MAPRE2: variants seen among roughly 807,000 people sequenced by gnomAD.
The protein encoded by MAPRE2 is microtubule-associated protein RP/EB family member 2.
In MAPRE2, 13 loss-of-function variants were observed where a neutral mutation model predicts 43.2. The observed-to-expected ratio is 0.30, with a 90% CI of 0.20 to 0.48. The LOEUF (loss-of-function observed/expected upper bound fraction) is 0.48. MAPRE2 is among the 20% of genes least tolerant of loss of function. The pLI is 0.99. For missense variants in MAPRE2, 161 were observed against 400.2 expected, an observed-to-expected ratio of 0.40 and a Z score of 5.10; for synonymous variants, 135 against 148.8, an observed-to-expected ratio of 0.91 and a Z score of 0.68.
At chr18:35,099,218 A>G (rs1006000228) in intron 3 of MAPRE2, among the ~76,000 whole-genome samples, 5 of 152,244 alleles carry the variant, frequency 3.3e-5, no homozygotes, top group Admixed American at 3.3e-4. Context: ...AAAGCTTTTT[A>G]TGCTCTAAAA....
chr18:35,133,333 G>C (rs376901265), intron 6 of MAPRE2, among the ~76,000 whole-genome samples: 1 of 151,850 alleles, frequency 6.6e-6, no homozygotes. Context: ...TTGAAGCCCT[G>C]ATAATCCACC....
intron 2 of MAPRE2, among the ~76,000 whole-genome samples, chr18:35,013,221 C>T (rs1292284518): frequency 6.6e-6 from 1 of 151,968 alleles, no homozygotes; most frequent in Non-Finnish European, 1.5e-5. Flanking sequence ...GTTTAGATAA[C>T]CCTTAAGATA....
intron 5 of MAPRE2, 30 bp from the exon 6 acceptor site, chr18:35,132,002 T>G (rs781130018): frequency 1.3e-6 from 2 of 1,559,456 alleles, no homozygotes; most frequent in Non-Finnish European, 1.7e-6. Context: ...TTTTGGGTGG[T>G]TTTTTTTCTT....
At chr18:34,981,641 G>A (rs909511746) in intron 1 of MAPRE2, among the ~76,000 whole-genome samples, 3 of 151,982 alleles carry the variant, frequency 2.0e-5, no homozygotes, top group Non-Finnish European at 2.9e-5. Flanking sequence ...GTATTCCCAG[G>A]TGCCAAATTA....
intron 4 of MAPRE2, among the ~76,000 whole-genome samples, chr18:35,119,167 G>A (rs1432397197): frequency 6.6e-6 from 1 of 152,120 alleles, no homozygotes; most frequent in Non-Finnish European, 1.5e-5. Context: ...GGCACCTGGC[G>A]CTGCCCTGCT....
chr18:35,094,451 C>CA (rs1173648407), intron 2 of MAPRE2, among the ~76,000 whole-genome samples: 8 of 151,668 alleles, frequency 5.3e-5, no homozygotes, highest in Non-Finnish European at 2.9e-5. Context: ...GCCATGGAGA[C>CA]AAAAAAGGCA....
intron 4 of MAPRE2, among the ~76,000 whole-genome samples, chr18:35,104,041 G>A (rs1908793942): frequency 6.6e-6 from 1 of 152,034 alleles, no homozygotes; most frequent in Non-Finnish European, 1.5e-5. Flanking sequence ...AGGAAGAAGA[G>A]GAAGCTGCAA....
At chr18:35,007,876 C>G (rs572990517) in intron 2 of MAPRE2, among the ~76,000 whole-genome samples, 14 of 152,120 alleles carry the variant, frequency 9.2e-5, no homozygotes, top group South Asian at 2.1e-4. Flanking sequence ...ATTCCAGATC[C>G]GCAACCAAAA....
chr18:35,116,526 G>A (rs1013176940), intron 4 of MAPRE2, among the ~76,000 whole-genome samples: 3 of 152,152 alleles, frequency 2.0e-5, no homozygotes, highest in African/African-American at 7.2e-5. Context: ...GCTCAACTGG[G>A]GAAAGATTTG....
rs148077039 is a variant in MAPRE2, at chr18:35,107,709, A to G, written c.610+5550A>G. ...GTTGGTTGTATAGTGTTTTAGAAAT[A>G]TCAGTTAGATCAAGGTGTTTGATGG... is the stretch of plus-strand genomic sequence containing the variant. On this transcript the variant is annotated intron_variant, in intron 4 of 6. Transcript: ENST00000300249. 2.9e-3 allele frequency among the ~76,000 whole-genome samples: 437 copies of G among 152,254 alleles called. 1 individual carries two copies. Among genetic ancestry groups the G allele is most frequent in the Non-Finnish European group, 4.7e-3 (319 of 68,010 alleles).
intron 1 of MAPRE2, among the ~76,000 whole-genome samples, chr18:34,995,454 T>C (rs1034306832): frequency 6.6e-6 from 1 of 152,168 alleles, no homozygotes; most frequent in African/African-American, 2.4e-5. Context: ...GAGACAGCCA[T>C]TTGAGTCAGC....
In MAPRE2 at chr18:34,985,295, T is replaced by A. The variant is rs865809266; in HGVS notation, c.-70+8216T>A. On this transcript the variant is annotated intron_variant, in intron 1 of 7. Transcript: ENST00000413393. Reference sequence around the variant, plus strand: ...ATAATATAATATATTATATATTATATTATATATTGTATATATTATATTATA... The same window carrying A: ...ATAATATAATATATTATATATTATAATATATATTGTATATATTATATTATA... Among the ~76,000 whole-genome samples, 14 of 41,428 alleles carry A rather than the reference T, an allele frequency of 3.4e-4. 1 individual carries two copies. The highest frequency in any genetic ancestry group is 1.6e-3 in the East Asian group (1 of 640). 27.2% of individuals were successfully genotyped at this position (41,428 alleles called of 152,430 possible).
At chr18:35,017,937 T>C (rs2097039487) in intron 2 of MAPRE2, among the ~76,000 whole-genome samples, 1 of 151,976 alleles carries the variant, frequency 6.6e-6, no homozygotes, top group Admixed American at 6.6e-5. Context: ...TTTTGCCCAT[T>C]CAGTATGCTG....
intron 4 of MAPRE2, among the ~76,000 whole-genome samples, chr18:35,112,185 T>C (rs1279817218): frequency 3.7e-5 from 5 of 134,434 alleles, no homozygotes; most frequent in African/African-American, 1.2e-4. Context: ...CCTTCCTTCC[T>C]TTTTTTTTTT....
chr18:35,083,059 A>G (rs1261897043), intron 2 of MAPRE2, among the ~76,000 whole-genome samples: 1 of 152,180 alleles, frequency 6.6e-6, no homozygotes. Context: ...TCTCCATGCC[A>G]CCTACAGATG....
chr18:34,998,549 G>A (rs918960463), intron 1 of MAPRE2, among the ~76,000 whole-genome samples: 27 of 151,692 alleles, frequency 1.8e-4, no homozygotes, highest in Admixed American at 1.3e-3. Flanking sequence ...GGATGGTCTC[G>A]ATCTCCTGAC....
chr18:35,094,651 A>AG (rs1267187348), intron 2 of MAPRE2, among the ~76,000 whole-genome samples: 1 of 152,146 alleles, frequency 6.6e-6, no homozygotes, highest in Admixed American at 6.5e-5. Flanking sequence ...GTAGAAGAAC[A>AG]ATCTATAGGA....
chr18:35,105,572 G>T (rs888965319), intron 4 of MAPRE2, among the ~76,000 whole-genome samples: 3 of 152,078 alleles, frequency 2.0e-5, no homozygotes. Flanking sequence ...TCTTCCAAGA[G>T]TCAGAATAGG....
Position 35,140,365 on chromosome 18 carries a change from A to T in MAPRE2, c.980A>T (p.Tyr327Phe). 1 of 1,612,108 alleles carries T rather than the reference A, an allele frequency of 6.2e-7. No individual in the cohort carries two copies. Among genetic ancestry groups the T allele is most frequent in the Non-Finnish European group, 8.5e-7 (1 of 1,179,176 alleles). The change falls in exon 7 of 7, where the codon TAC becomes TTC. Residue 327 changes from tyrosine to phenylalanine, a missense_variant. Around this residue, in one of 2 missense-constraint regions of MAPRE2, gnomAD observed 96 missense variants for 153.3 expected, o/e 0.63. Transcript: ENST00000300249. ...HEQQPPQQEE[Y>F] ...CAGCAGCCCCCGCAGCAGGAAGAGT[A>T]CTGACCCACCCCGGCTGCTCTTGAC...
Sources: gnomAD v4.1 joint callset for allele counts (sites outside exome capture counted in the v4.1 genomes callset) on GRCh38, gnomAD v4.1.1 for gene constraint, gnomAD v4.1.1 regional missense constraint, MANE v1.5 for transcripts, NCBI Gene and HGNC (gene_info 2026-07-23, HGNC 2026-07-21) for gene names.